Variants in EXTL3 observed in about 807,000 individuals in gnomAD.
EXTL3 encodes exostosin-like 3.
In EXTL3, 27 loss-of-function variants were observed where a neutral mutation model predicts 69.3. The ratio of observed to expected loss-of-function variants is 0.39; its 90% CI spans 0.29 to 0.54. The LOEUF (loss-of-function observed/expected upper bound fraction) is 0.54, where lower values mean the gene tolerates loss of function less well. Ranked by LOEUF, EXTL3 falls within the 20% of genes least tolerant of loss-of-function variation. The pLI is 0.69. For missense variants in EXTL3, 1,003 were observed against 1,231.8 expected, an observed-to-expected ratio of 0.81 and a Z score of 2.78; for synonymous variants, 511 against 499.4, an observed-to-expected ratio of 1.02 and a Z score of -0.31.
chr8:28,611,853 C>T lies in EXTL3; in HGVS notation n.314+4095C>T, dbSNP rs537954480. On this transcript the variant is annotated intron_variant and non_coding_transcript_variant, in intron 2 of 4. Transcript: ENST00000522725. ...GGGGTCACAGGGTTAAATACAGAACCGAGTCTGTTCGCTGCGATGCCAGCC... is the reference window on the plus strand; with the variant it reads ...GGGGTCACAGGGTTAAATACAGAACTGAGTCTGTTCGCTGCGATGCCAGCC... 8.5e-5 allele frequency among the ~76,000 whole-genome samples: 13 copies of T among 152,280 alleles called. No individual in the cohort carries two copies. In the East Asian group the frequency reaches 2.3e-3, roughly 27 times the overall value.
At chr8:28,681,517 CA>C (rs1276623666) in intron 1 of EXTL3, among the ~76,000 whole-genome samples, 2 of 151,640 alleles carry the variant, frequency 1.3e-5, no homozygotes, top group Non-Finnish European at 2.9e-5. Flanking sequence ...GACTCTGTCT[CA>C]AAAAATAAAT....
At chr8:28,702,578 C>T (rs1202626196) in intron 1 of EXTL3, among the ~76,000 whole-genome samples, 1 of 149,384 alleles carries the variant, frequency 6.7e-6, no homozygotes, top group Non-Finnish European at 1.5e-5. Flanking sequence ...CGCACCACCC[C>T]ACCCCCGCCC....
At chr8:28,691,143 A>T (rs1008259099) in intron 1 of EXTL3, among the ~76,000 whole-genome samples, 6 of 152,220 alleles carry the variant, frequency 3.9e-5, no homozygotes. Context: ...TGTTTTGTTG[A>T]GTGAGAAAGA....
upstream of EXTL3, among the ~76,000 whole-genome samples, chr8:28,619,287 A>T: frequency 1.5e-5 from 1 of 65,626 alleles, no homozygotes; most frequent in African/African-American, 6.1e-5. Context: ...AAAAAAAAAA[A>T]AAAAAAAAAA....
chr8:28,750,979 T>TTCCA lies in EXTL3; in HGVS notation c.*113_*114insTCCA. 1.1e-6 allele frequency: 1 copy of TTCCA among 886,326 alleles called. No homozygotes were observed. The highest frequency in any genetic ancestry group is 1.8e-6 in the Non-Finnish European group (1 of 556,692). The allele number at this position is 886,326 out of a possible 1,614,324, so 54.9% of individuals were successfully genotyped here. On this transcript the variant is annotated 3_prime_UTR_variant, in exon 7 of 7. Transcript: ENST00000220562. The surrounding 1 kb of genome is among the most constrained non-coding windows in gnomAD (Gnocchi z 5.2). ...CTGCTGGTGGGTGGCCCAGAGCCTC[T>TTCCA]GCTGGAAGGGGCAGCAGGAGGAGTG... is the stretch of plus-strand genomic sequence containing the variant.
chr8:28,671,924 G>A (rs1466947842), intron 1 of EXTL3, among the ~76,000 whole-genome samples: 1 of 152,184 alleles, frequency 6.6e-6, no homozygotes, highest in Non-Finnish European at 1.5e-5. Flanking sequence ...TAAAGTGCTT[G>A]AGCCCAGGAG....
intron 2 of EXTL3, among the ~76,000 whole-genome samples, chr8:28,615,870 G>A (rs746203815): frequency 3.3e-5 from 5 of 151,938 alleles, no homozygotes; most frequent in African/African-American, 9.7e-5. Context: ...CACCATGTCC[G>A]GCCTGCAGCT....
In EXTL3 at chr8:28,728,878, C is replaced by G. The variant is rs143082108; in HGVS notation, c.2149-2345C>G. Among the ~76,000 whole-genome samples, 1,459 of 152,030 alleles carry G rather than the reference C, an allele frequency of 9.6e-3. 20 individuals carry two copies. The highest frequency in any genetic ancestry group is 0.071 in the South Asian group (343 of 4,802). On this transcript the variant is annotated intron_variant, in intron 3 of 6. Coordinates refer to ENST00000220562, the MANE Select transcript of EXTL3 (RefSeq NM_001440.4). ...TTGCACTCCAGCCTAGGTGACAACT[C>G]AAGACTCCATCTCTTAAAAGAAAAA...
chr8:28,717,007 A>G lies in EXTL3; in HGVS notation c.948A>G (p.Val316=). The G allele has an allele frequency of 6.2e-7, 1 of 1,614,238 alleles. No individual in the cohort carries two copies. Among genetic ancestry groups the G allele is most frequent in the South Asian group, 1.1e-5 (1 of 91,088 alleles). Residue 316 remains valine, a synonymous_variant, in exon 3 of 7, where the codon GTA becomes GTG. Transcript: ENST00000220562. The surrounding 1 kb of genome is among the most constrained non-coding windows in gnomAD (Gnocchi z 8.3). The stretch of plus-strand genomic sequence containing the variant: ...ACAGACCTGGCTTTGACTTGGTCGT[A>G]TCACCGCTGGTCCATGCCATGTCTG... ...VQYRPGFDLV[V]SPLVHAMSEP...
At chr8:28,744,807 TACAC>T (rs1457003983) in intron 6 of EXTL3, among the ~76,000 whole-genome samples, 1 of 109,858 alleles carries the variant, frequency 9.1e-6, no homozygotes, top group African/African-American at 3.6e-5. Flanking sequence ...AAAAAAAAAA[TACAC>T]ACACACGCAC....
At chr8:28,673,856 A>G (rs1807337879) in intron 1 of EXTL3, among the ~76,000 whole-genome samples, 1 of 152,020 alleles carries the variant, frequency 6.6e-6, no homozygotes, top group Non-Finnish European at 1.5e-5. Flanking sequence ...GCAGAATTTT[A>G]AGGATGAATT....
upstream of EXTL3, among the ~76,000 whole-genome samples, chr8:28,619,266 T>A (rs1171582183): frequency 6.1e-3 from 394 of 64,410 alleles, no homozygotes; most frequent in East Asian, 0.018. Flanking sequence ...AGCTTAGTGA[T>A]AAAAAAAAAA....
At chr8:28,744,846 C>A (rs1216475543) in intron 6 of EXTL3, among the ~76,000 whole-genome samples, 1 of 151,010 alleles carries the variant, frequency 6.6e-6, no homozygotes, top group Admixed American at 6.6e-5. Flanking sequence ...GCCTGTAATC[C>A]CAGCTACTCA....
At chr8:28,643,199 G>A (rs1174476277) in intron 1 of EXTL3, among the ~76,000 whole-genome samples, 1 of 151,980 alleles carries the variant, frequency 6.6e-6, no homozygotes, top group Non-Finnish European at 1.5e-5. Context: ...AGCCTAGATT[G>A]AGCCACTTCA....
At chr8:28,624,421 G>A (rs1207591690) in intron 1 of EXTL3, among the ~76,000 whole-genome samples, 1 of 152,040 alleles carries the variant, frequency 6.6e-6, no homozygotes, top group Non-Finnish European at 1.5e-5. Context: ...AAAATTAGCC[G>A]GCATGGTAGT....
In EXTL3 at chr8:28,716,281, C is replaced by T. The variant is rs376405458; in HGVS notation, c.222C>T (p.Cys74=). Reference sequence around the variant, plus strand: ...GTCCCCGGGTGGGGAACGAGCTGTGCGAGGTGAAGCACGTGCTGGATCTGT... The same window carrying T: ...GTCCCCGGGTGGGGAACGAGCTGTGTGAGGTGAAGCACGTGCTGGATCTGT... ...IFGPRVGNEL[C]EVKHVLDLCR... The change falls in exon 3 of 7, where the codon TGC becomes TGT. Residue 74 remains cysteine (C), a synonymous_variant. Coordinates refer to ENST00000220562, the MANE Select transcript of EXTL3 (RefSeq NM_001440.4). The surrounding 1 kb of genome is among the most constrained non-coding windows in gnomAD (Gnocchi z 7.1). The T allele has an allele frequency of 1.9e-5, 31 of 1,614,054 alleles. No homozygotes were observed. The East Asian group carries it at 2.0e-4, about 10-fold the overall frequency.
At chr8:28,635,392 TAA>T (rs372980960) in intron 1 of EXTL3, among the ~76,000 whole-genome samples, 42 of 114,402 alleles carry the variant, frequency 3.7e-4, no homozygotes, top group African/African-American at 9.0e-4. Context: ...ACTGGTCTCT[TAA>T]AAAAAAAAAA....
Position 28,715,707 on chromosome 8 carries a change from T to A in EXTL3, c.-353T>A. The A allele has an allele frequency of 3.2e-6, 1 of 311,262 alleles. No homozygotes were observed. Among genetic ancestry groups the A allele is most frequent in the Non-Finnish European group, 6.0e-6 (1 of 165,682 alleles). The allele number at this position is 311,262 out of a possible 1,614,324, so 19.3% of individuals were successfully genotyped here. On this transcript the variant is annotated 5_prime_UTR_variant, in exon 3 of 7. Coordinates refer to ENST00000220562, the MANE Select transcript of EXTL3 (RefSeq NM_001440.4). ...GTCAGCAAAACCAAGAAACAAGAGC[T>A]ATGGCATTTGAAAAAGTCTGTCTGA...
chr8:28,724,380 C>T (rs1031505099), intron 3 of EXTL3, among the ~76,000 whole-genome samples: 1 of 152,056 alleles, frequency 6.6e-6, no homozygotes, highest in South Asian at 2.1e-4. Flanking sequence ...AATGGAAAAC[C>T]AATGCACTGT....
Sources: allele counts gnomAD v4.1 joint callset (sites outside exome capture counted in the v4.1 genomes callset), GRCh38; gene constraint gnomAD v4.1.1; non-coding constraint Gnocchi (gnomAD v3.1); transcripts MANE v1.5; gene names NCBI Gene and HGNC (gene_info 2026-07-23, HGNC 2026-07-21).